CALU: variants seen among roughly 807,000 people sequenced by gnomAD.
CALU encodes the protein IEF SSP 9302.
CALU carries 13 observed loss-of-function variants against 37.5 expected under a neutral mutation model. That is an observed-to-expected ratio of 0.35 (90% confidence interval 0.23 to 0.55). CALU has a LOEUF of 0.55. Among genes scored for constraint, CALU ranks in the 20% least tolerant of loss-of-function variants. The probability of loss-of-function intolerance (pLI) is 0.89; values close to 1 mark genes in which losing one functional copy is unlikely to be tolerated. For missense variants in CALU, 282 were observed against 391.7 expected (o/e 0.72, Z 2.36); for synonymous variants, 114 against 133.8 (o/e 0.85, Z 1.02).
At chr7:128,758,594 A>G (rs992643682) in intron 3 of CALU, among the ~76,000 whole-genome samples, 2 of 152,240 alleles carry the variant, frequency 1.3e-5, no homozygotes, top group Non-Finnish European at 2.9e-5. Context: ...AGAAAATTCA[A>G]GCCTTCTAGT....
In CALU at chr7:128,764,646, A is replaced by G. The variant is rs577989608; in HGVS notation, c.644-2810A>G. ...CAAGGAATTGATTTTGTAAAATATG[A>G]AAGTGGCATTGTGGGTATATAAGAA... On this transcript the variant is annotated intron_variant, in intron 5 of 6. Coordinates refer to ENST00000249364, the MANE Select transcript of CALU (RefSeq NM_001219.5). Among the ~76,000 whole-genome samples, 14 of 152,330 alleles carry G rather than the reference A, an allele frequency of 9.2e-5. No homozygotes were observed. The East Asian group carries it at 2.5e-3, about 27-fold the overall frequency.
rs145076569 is a variant in CALU, at chr7:128,758,927, C to T, written c.472C>T (p.Arg158Trp). 26 of 1,613,406 alleles carry T rather than the reference C, an allele frequency of 1.6e-5. No homozygotes were observed. The highest frequency in any genetic ancestry group is 1.6e-4 in the Middle Eastern group (1 of 6,084). Residue 158 changes from arginine (R) to tryptophan (W), a missense_variant, in exon 4 of 7, where the codon CGG (arginine) becomes TGG (tryptophan). Transcript: ENST00000249364. ...TAAACAGATGATGGTTAGAGATGAG[C>T]GGAGGTTTAAAATGGCAGACAAGGA... ...NYKQMMVRDE[R>W]RFKMADKDGD...
chr7:128,772,616 G>C lies in CALU; in HGVS notation c.*3449G>C. The C allele has an allele frequency of 6.2e-7, 1 of 1,614,156 alleles. No individual in the cohort carries two copies. The highest frequency in any genetic ancestry group is 8.5e-7 in the Non-Finnish European group (1 of 1,180,002). On this transcript the variant is annotated 3_prime_UTR_variant, in exon 7 of 7. Coordinates refer to ENST00000249364, the MANE Select transcript of CALU (RefSeq NM_001219.5). ...GGAGCTGCATGTGTCGGATTCATCT[G>C]TCATGGCCTTCCCACACACCATCTT... is the stretch of plus-strand genomic sequence containing the variant.
intron 5 of CALU, among the ~76,000 whole-genome samples, chr7:128,766,336 A>G (rs1488008908): frequency 6.6e-6 from 1 of 152,046 alleles, no homozygotes; most frequent in Non-Finnish European, 1.5e-5. Flanking sequence ...TTTAAAGCAA[A>G]GAATTTAAAA....
intron 3 of CALU, among the ~76,000 whole-genome samples, chr7:128,756,264 CACTT>C (rs1800879572): frequency 6.6e-6 from 1 of 152,226 alleles, no homozygotes; most frequent in South Asian, 2.1e-4. Flanking sequence ...CCTAGGCACT[CACTT>C]GCTGCCCAGA....
rs1801491543 is a variant in CALU at position 128,769,832 on chromosome 7, T to G, written c.*665T>G. The G allele has an allele frequency of 6.6e-6, 1 of 152,244 alleles. No individual in the cohort carries two copies. Among genetic ancestry groups the G allele is most frequent in the Non-Finnish European group, 1.5e-5 (1 of 68,046 alleles). 9.4% of individuals were successfully genotyped at this position (152,244 alleles called of 1,614,324 possible). ...CCCTGTAGGACTGACTGTTGGCTAATTTTGTCAAGCACAGCTGTGGTGGGA... is the reference window on the plus strand; with the variant it reads ...CCCTGTAGGACTGACTGTTGGCTAAGTTTGTCAAGCACAGCTGTGGTGGGA... On this transcript the variant is annotated 3_prime_UTR_variant, in exon 7 of 7. Transcript: ENST00000249364.
Position 128,749,600 on chromosome 7 carries a change from G to A in CALU, c.221+796G>A, listed in dbSNP as rs552868645. On this transcript the variant is annotated intron_variant, in intron 2 of 6. Coordinates refer to ENST00000249364, the MANE Select transcript of CALU (RefSeq NM_001219.5). ...TGTATTCAAGAGATTTGTGTGGAAAGTTGTGCCACACATAGCAATTTCTAA... is the reference window on the plus strand; with the variant it reads ...TGTATTCAAGAGATTTGTGTGGAAAATTGTGCCACACATAGCAATTTCTAA... Among the ~76,000 whole-genome samples the A allele has an allele frequency of 1.1e-3, 172 of 152,316 alleles. 2 individuals are homozygous for A. The highest frequency in any genetic ancestry group is 3.4e-3 in the Middle Eastern group (1 of 294).
chr7:128,742,332 G>A (rs775088088), intron 1 of CALU, among the ~76,000 whole-genome samples: 3 of 152,180 alleles, frequency 2.0e-5, no homozygotes, highest in Non-Finnish European at 4.4e-5. Flanking sequence ...TCCTGCTTTT[G>A]CTGCGTTATG....
intron 5 of CALU, among the ~76,000 whole-genome samples, chr7:128,766,946 A>G (rs987137201): frequency 2.0e-5 from 3 of 152,170 alleles, no homozygotes; most frequent in East Asian, 1.9e-4. Flanking sequence ...GGAAAAATCT[A>G]TATGTGGAAC....
rs560343525 is a variant in CALU, at chr7:128,744,721, A to C, written c.-11-3852A>C. Among the ~76,000 whole-genome samples the C allele has an allele frequency of 3.9e-5, 6 of 152,218 alleles. No homozygotes were observed. The East Asian group carries it at 1.2e-3, about 29-fold the overall frequency. ...AAACTGTGGGTGAGGGAAAGGGAGG[A>C]GCAAGCATGAAGGAACAGCACAGTC... On this transcript the variant is annotated intron_variant, in intron 1 of 6. Coordinates refer to ENST00000249364, the MANE Select transcript of CALU (RefSeq NM_001219.5).
chr7:128,758,614 A>C (rs545062660), intron 3 of CALU, among the ~76,000 whole-genome samples: 6 of 152,296 alleles, frequency 3.9e-5, no homozygotes, highest in Non-Finnish European at 2.9e-5. Context: ...TAGCCTTAAT[A>C]CCAATAGTGA....
At chr7:128,753,576 C>T (rs1490001949) in intron 2 of CALU, among the ~76,000 whole-genome samples, 1 of 152,210 alleles carries the variant, frequency 6.6e-6, no homozygotes, top group Admixed American at 6.5e-5. Flanking sequence ...CTTACCACAT[C>T]ATTTCCTCAG....
At chr7:128,754,209 CA>C in intron 2 of CALU, 52 bp from the exon 3 acceptor site, 4 of 1,423,432 alleles carry the variant, frequency 2.8e-6, no homozygotes, top group Middle Eastern at 1.8e-4. Context: ...TGGCTAAGTC[CA>C]GAGTTCTGTG....
chr7:128,754,011 T>C (rs1800773315), intron 2 of CALU, among the ~76,000 whole-genome samples: 1 of 152,244 alleles, frequency 6.6e-6, no homozygotes, highest in Admixed American at 6.5e-5. Flanking sequence ...AACCATAGGC[T>C]GAAATCTACC....
At position 128,769,226 on chromosome 7, in the gene CALU, C is replaced by G; in HGVS notation, c.*59C>G. ...TTTATTTTTACAGCTTCTGGTTTCA[C>G]ATGAAATTGTTTGCGCTACTGAGAC... On this transcript the variant is annotated 3_prime_UTR_variant, in exon 7 of 7. Coordinates refer to ENST00000249364, the MANE Select transcript of CALU (RefSeq NM_001219.5). 1 of 933,242 alleles carries G rather than the reference C, an allele frequency of 1.1e-6. No individual in the cohort carries two copies. The allele number at this position is 933,242 out of a possible 1,614,324, so 57.8% of individuals were successfully genotyped here. A position where few individuals can be genotyped will look rare whatever the true frequency, so the allele number is the denominator to read the frequency against.
At chr7:128,757,131 T>C (rs1018247917) in intron 3 of CALU, among the ~76,000 whole-genome samples, 8 of 152,122 alleles carry the variant, frequency 5.3e-5, no homozygotes, top group African/African-American at 1.9e-4. Context: ...TATATATATA[T>C]GTGCATGTTG....
chr7:128,744,328 G>A (rs1800351192), intron 1 of CALU, among the ~76,000 whole-genome samples: 1 of 151,972 alleles, frequency 6.6e-6, no homozygotes, highest in Admixed American at 6.6e-5. Flanking sequence ...CTTTGTTTCT[G>A]CTTGAACATA....
At chr7:128,746,440 G>A (rs1298961373) in intron 1 of CALU, among the ~76,000 whole-genome samples, 1 of 152,082 alleles carries the variant, frequency 6.6e-6, no homozygotes, top group Non-Finnish European at 1.5e-5. Context: ...TTACAGGCAT[G>A]AGCCACCATG....
rs1176198083 is a variant in CALU, at chr7:128,745,433, C to G, written c.-11-3140C>G. ...CCAGTCTGGGCAACATAGTGAGACTCTACAACATTTTTTTTTTTTTAATTT... is the reference window on the plus strand; with the variant it reads ...CCAGTCTGGGCAACATAGTGAGACTGTACAACATTTTTTTTTTTTTAATTT... On this transcript the variant is annotated intron_variant, in intron 1 of 6. Coordinates refer to ENST00000249364, the MANE Select transcript of CALU (RefSeq NM_001219.5). Among the ~76,000 whole-genome samples, 3 of 140,856 alleles carry G rather than the reference C, an allele frequency of 2.1e-5. No individual in the cohort carries two copies. In the East Asian group the frequency reaches 5.8e-4, roughly 27 times the overall value. The allele number at this position is 140,856 out of a possible 152,430, so 92.4% of individuals were successfully genotyped here.
Sources: gnomAD v4.1 joint callset for allele counts (sites outside exome capture counted in the v4.1 genomes callset) on GRCh38, gnomAD v4.1.1 for gene constraint, MANE v1.5 for transcripts, NCBI Gene and HGNC (gene_info 2026-07-23, HGNC 2026-07-21) for gene names.